Variants in HIP1 observed in about 807,000 individuals in gnomAD.
The protein encoded by HIP1 is huntingtin-interacting protein 1.
HIP1 carries 65 observed loss-of-function variants against 147.6 expected under a neutral mutation model. The ratio of observed to expected loss-of-function variants is 0.44; its 90% confidence interval spans 0.36 to 0.54. The LOEUF (loss-of-function observed/expected upper bound fraction) is 0.54. Ranked by LOEUF, HIP1 falls within the 20% of genes least tolerant of loss-of-function variation. The pLI is 0.00. For synonymous variants in HIP1, 479 were observed against 504.0 expected (o/e 0.95, Z 0.67); for missense variants, 1,061 against 1,299.6 (o/e 0.82, Z 2.82).
At chr7:75,689,024 C>A (rs1248630830) in intron 1 of HIP1, among the ~76,000 whole-genome samples, 2 of 152,036 alleles carry the variant, frequency 1.3e-5, no homozygotes, top group East Asian at 3.9e-4. Flanking sequence ...GAGTGTACGC[C>A]CAAAGAGAGA....
chr7:75,658,971 G>C (rs1799222666), intron 1 of HIP1, among the ~76,000 whole-genome samples: 1 of 152,150 alleles, frequency 6.6e-6, no homozygotes. Context: ...GCAGGACTAT[G>C]TGAATGTGAA....
At chr7:75,542,496 C>G (rs1036746029) in intron 28 of HIP1, among the ~76,000 whole-genome samples, 5 of 150,944 alleles carry the variant, frequency 3.3e-5, no homozygotes, top group African/African-American at 1.2e-4. Flanking sequence ...GTGAGGAGTT[C>G]GAGACCAGCT....
chr7:75,656,573 G>C (rs771201023), intron 1 of HIP1, among the ~76,000 whole-genome samples: 7 of 152,156 alleles, frequency 4.6e-5, no homozygotes, highest in Non-Finnish European at 1.0e-4. Context: ...TGCCTCCTGG[G>C]TTCAAGCGAT....
intron 22 of HIP1, among the ~76,000 whole-genome samples, chr7:75,552,545 C>T (rs1794824833): frequency 1.3e-5 from 2 of 151,738 alleles, no homozygotes; most frequent in Non-Finnish European, 2.9e-5. Flanking sequence ...TTTGTAGAGA[C>T]AGGGTCTCAC....
At chr7:75,738,630 G>A (rs1554523936) in intron 1 of HIP1, among the ~76,000 whole-genome samples, 171 bp downstream of exon 1, 2 of 152,032 alleles carry the variant, frequency 1.3e-5, no homozygotes, top group Non-Finnish European at 2.9e-5. Context: ...GTACCCTGGG[G>A]TCCCCGACCT....
intron 1 of HIP1, among the ~76,000 whole-genome samples, chr7:75,664,066 G>A (rs1332682146): frequency 3.7e-5 from 2 of 53,452 alleles, no homozygotes; most frequent in South Asian, 7.5e-4. Flanking sequence ...ACACATATAT[G>A]TGTATATACA....
At chr7:75,562,839 TAG>T (rs1554494822) in intron 11 of HIP1, 94 bp downstream of exon 11, 36 of 1,271,132 alleles carry the variant, frequency 2.8e-5, no homozygotes, top group South Asian at 1.2e-4. Context: ...TGAACCTGGT[TAG>T]AGTCAATGGG....
chr7:75,553,358 A>G, intron 22 of HIP1, 95 bp downstream of exon 22: 4 of 1,428,686 alleles, frequency 2.8e-6, no homozygotes, highest in Non-Finnish European at 3.8e-6. Flanking sequence ...AAGTGCAGAA[A>G]GAACTAGCTC....
chr7:75,604,697 A>AAGGG (rs587704645), intron 1 of HIP1, among the ~76,000 whole-genome samples: 2,085 of 142,438 alleles, frequency 0.015, 19 homozygotes, highest in Non-Finnish European at 0.023. Flanking sequence ...GGAAGGAAGG[A>AAGGG]AGGGAGGGAG....
At chr7:75,616,864 T>C (rs1010584211) in intron 1 of HIP1, among the ~76,000 whole-genome samples, 72 of 152,120 alleles carry the variant, frequency 4.7e-4, no homozygotes, top group African/African-American at 1.6e-3. Flanking sequence ...GGCACAGTGA[T>C]TGATCTAACT....
chr7:75,615,776 A>G (rs1013656459), intron 1 of HIP1, among the ~76,000 whole-genome samples: 3 of 151,838 alleles, frequency 2.0e-5, no homozygotes, highest in African/African-American at 7.3e-5. Flanking sequence ...TCTGTCTCAA[A>G]AAACAAAAAC....
chr7:75,691,042 G>A lies in HIP1; in HGVS notation c.120+47759C>T, dbSNP rs368561144. 7.9e-5 allele frequency among the ~76,000 whole-genome samples: 12 copies of A among 152,250 alleles called. No homozygotes were observed. The East Asian group carries it at 2.1e-3, about 27-fold the overall frequency. ...GGATCGGCAGATGAAATGGATAAAC[G>A]AAGGTGGTCTAATCCATGCAATGGG... is the stretch of plus-strand genomic sequence containing the variant. On this transcript the variant is annotated intron_variant, in intron 1 of 30. Coordinates refer to ENST00000336926, the MANE Select transcript of HIP1 (RefSeq NM_005338.7).
chr7:75,672,580 G>A (rs1463591216), intron 1 of HIP1, among the ~76,000 whole-genome samples: 3 of 151,492 alleles, frequency 2.0e-5, no homozygotes, highest in Admixed American at 1.3e-4. Context: ...TGCCTCCCTC[G>A]GCCTCCCAAA....
intron 1 of HIP1, among the ~76,000 whole-genome samples, chr7:75,618,299 G>A (rs1179612): frequency 0.25 from 38,525 of 151,996 alleles, 6,267 homozygotes; most frequent in African/African-American, 0.47. Flanking sequence ...TTACAGGCAC[G>A]TGCCACCAAC....
rs587737681 is a variant in HIP1, at chr7:75,547,737, C to G, written c.2465+18G>C. The G allele has an allele frequency of 5.6e-6, 9 of 1,609,022 alleles. No homozygotes were observed. The highest frequency in any genetic ancestry group is 4.3e-6 in the Non-Finnish European group (5 of 1,175,530). On this transcript the variant is annotated intron_variant, in intron 24 of 30. Coordinates refer to ENST00000336926, the MANE Select transcript of HIP1 (RefSeq NM_005338.7). ...CAGATCCTGCTCCCCTAGGTCCCACCATGCCGCTCAGACCGACCTTTCATT... is the reference window on the plus strand; with the variant it reads ...CAGATCCTGCTCCCCTAGGTCCCACGATGCCGCTCAGACCGACCTTTCATT...
chr7:75,578,889 C>T (rs1208910745), intron 7 of HIP1, among the ~76,000 whole-genome samples: 2 of 151,636 alleles, frequency 1.3e-5, no homozygotes, highest in African/African-American at 4.8e-5. Flanking sequence ...GATGTTGGCT[C>T]ACTGCAACCT....
intron 5 of HIP1, among the ~76,000 whole-genome samples, chr7:75,584,161 A>G (rs1362524425): frequency 2.2e-5 from 3 of 137,392 alleles, no homozygotes; most frequent in African/African-American, 8.2e-5. Context: ...ATGGGGTTTC[A>G]CCATGTTGCC....
chr7:75,631,500 G>C (rs1798219749), intron 1 of HIP1, among the ~76,000 whole-genome samples: 1 of 152,116 alleles, frequency 6.6e-6, no homozygotes, highest in Admixed American at 6.6e-5. Context: ...TCTGTGCACA[G>C]GGGACAGGGC....
intron 1 of HIP1, among the ~76,000 whole-genome samples, chr7:75,662,095 G>A (rs1408514998): frequency 1.3e-5 from 2 of 148,876 alleles, no homozygotes; most frequent in African/African-American, 4.9e-5. Context: ...AGGGAGGAGG[G>A]GAAGGAGGGG....
Sources: allele counts gnomAD v4.1 joint callset (sites outside exome capture counted in the v4.1 genomes callset), GRCh38; gene constraint gnomAD v4.1.1; transcripts MANE v1.5; gene names NCBI Gene and HGNC (gene_info 2026-07-23, HGNC 2026-07-21).